SEMA3A: variants seen among roughly 807,000 people sequenced by gnomAD.
The protein encoded by SEMA3A is semaphorin-3A.
Under a neutral mutation model 97.9 loss-of-function variants are expected in SEMA3A, and 29 were observed. The ratio of observed to expected loss-of-function variants is 0.30; its 90% CI spans 0.22 to 0.40. SEMA3A has a LOEUF of 0.40. Ranked by LOEUF, SEMA3A falls within the 10% of genes least tolerant of loss-of-function variation. The pLI is 1.00. For synonymous variants in SEMA3A, 321 were observed against 323.7 expected (o/e 0.99, Z 0.09); for missense variants, 763 against 951.3 (o/e 0.80, Z 2.60).
At position 84,472,816 on chromosome 7, in the gene SEMA3A, G is replaced by A. The variant is rs192642240; in HGVS notation, c.-246+19644C>T. Among the ~76,000 whole-genome samples the A allele has an allele frequency of 2.9e-3, 442 of 152,090 alleles. 3 individuals carry two copies. The highest frequency in any genetic ancestry group is 9.8e-3 in the African/African-American group (407 of 41,496). ...TAATCATATCAATAGCTTATGTTAAGGAAAAATAACATTCAAACAAAAGGA... is the reference window on the plus strand; with the variant it reads ...TAATCATATCAATAGCTTATGTTAAAGAAAAATAACATTCAAACAAAAGGA... On this transcript the variant is annotated intron_variant, in intron 1 of 3. Coordinates refer to the SEMA3A transcript ENST00000424555.
intron 3 of SEMA3A, among the ~76,000 whole-genome samples, chr7:84,288,713 C>CAAAACA (rs1800658838): frequency 1.3e-5 from 2 of 152,000 alleles, no homozygotes; most frequent in African/African-American, 4.8e-5. Context: ...CAAAACAAAA[C>CAAAACA]AAAACAAAAA....
chr7:84,029,025 C>T (rs1299124434), intron 6 of SEMA3A, among the ~76,000 whole-genome samples: 6 of 152,144 alleles, frequency 3.9e-5, no homozygotes, highest in Non-Finnish European at 5.9e-5. Context: ...AACTTTTCTA[C>T]CATGGTGAAT....
chr7:84,412,644 T>C (rs1267477617), intron 1 of SEMA3A, among the ~76,000 whole-genome samples: 2 of 152,184 alleles, frequency 1.3e-5, no homozygotes, highest in African/African-American at 4.8e-5. Flanking sequence ...GAGCAATCTT[T>C]GTAGTTGAGC....
chr7:83,961,427 T>C lies in SEMA3A; in HGVS notation c.2260A>G (p.Lys754Glu), dbSNP rs1788464492. 2 of 1,614,028 alleles carry C rather than the reference T, an allele frequency of 1.2e-6. No individual in the cohort carries two copies. Among genetic ancestry groups the C allele is most frequent in the Non-Finnish European group, 1.7e-6 (2 of 1,179,988 alleles). The change falls in exon 17 of 17, where the codon AAG becomes GAG. Residue 754 changes from lysine (K) to glutamate (E), a missense_variant. This residue lies in a region of SEMA3A where 678 missense variants were observed against 881.3 expected (regional missense o/e 0.77). Coordinates refer to ENST00000265362, the MANE Select transcript of SEMA3A (RefSeq NM_006080.3). Reference protein sequence around the residue: ...SNKWKHLQENKKGRNRRTHEF... With the variant: ...SNKWKHLQENEKGRNRRTHEF... ...TGGGTCCTCCTGTTTCTACCTTTCTTATTTTCTTGTAAGTGCTTCCATTTG... is the reference window on the plus strand; with the variant it reads ...TGGGTCCTCCTGTTTCTACCTTTCTCATTTTCTTGTAAGTGCTTCCATTTG...
At chr7:84,219,403 C>T (rs1378918384) in intron 3 of SEMA3A, among the ~76,000 whole-genome samples, 3 of 152,046 alleles carry the variant, frequency 2.0e-5, no homozygotes, top group African/African-American at 7.2e-5. Flanking sequence ...ACTAAGTACA[C>T]ACAAAAATAG....
intron 1 of SEMA3A, among the ~76,000 whole-genome samples, chr7:84,193,765 T>C (rs1334035173): frequency 6.6e-6 from 1 of 152,160 alleles, no homozygotes; most frequent in Non-Finnish European, 1.5e-5. Context: ...CTTTAATTTA[T>C]ACTTTTCAAA....
At chr7:84,200,158 GAA>G (rs200427946), upstream of SEMA3A, among the ~76,000 whole-genome samples, 3 of 143,612 alleles carry the variant, frequency 2.1e-5, no homozygotes, top group Non-Finnish European at 4.6e-5. Flanking sequence ...ACAGTTGGGG[GAA>G]AAAAAAAAAG....
chr7:83,995,081 A>C (rs1013289962), intron 12 of SEMA3A, among the ~76,000 whole-genome samples: 4 of 152,234 alleles, frequency 2.6e-5, no homozygotes, highest in Non-Finnish European at 5.9e-5. Flanking sequence ...CCGATTTTCC[A>C]GGTGCCATCC....
intron 2 of SEMA3A, among the ~76,000 whole-genome samples, chr7:84,326,649 G>A (rs1562904791): frequency 6.6e-6 from 1 of 151,888 alleles, no homozygotes; most frequent in Non-Finnish European, 1.5e-5. Flanking sequence ...TAGTCTAGAA[G>A]GCTGTTACAG....
chr7:84,341,202 A>C (rs911808865), intron 2 of SEMA3A, among the ~76,000 whole-genome samples: 2 of 152,204 alleles, frequency 1.3e-5, no homozygotes, highest in African/African-American at 4.8e-5. Flanking sequence ...TGGTATGCAC[A>C]TACTCTGTAC....
At chr7:84,269,528 C>T (rs550899276) in intron 3 of SEMA3A, among the ~76,000 whole-genome samples, 31 of 152,042 alleles carry the variant, frequency 2.0e-4, no homozygotes, top group Middle Eastern at 3.4e-3. Context: ...ATTTAAATCA[C>T]GAAAGGGTAG....
intron 4 of SEMA3A, among the ~76,000 whole-genome samples, chr7:84,071,386 T>C (rs2115754014): frequency 6.6e-6 from 1 of 152,146 alleles, no homozygotes; most frequent in Middle Eastern, 3.4e-3. Context: ...AAAAAGTCCA[T>C]GAGATCTAGA....
At chr7:84,122,296 C>T (rs946985581) in intron 3 of SEMA3A, among the ~76,000 whole-genome samples, 8 of 152,068 alleles carry the variant, frequency 5.3e-5, no homozygotes, top group Non-Finnish European at 1.0e-4. Flanking sequence ...CAAAAGAAGA[C>T]GTTTATGTAG....
chr7:84,125,748 A>G (rs1317690827), intron 3 of SEMA3A, among the ~76,000 whole-genome samples: 1 of 152,200 alleles, frequency 6.6e-6, no homozygotes, highest in Non-Finnish European at 1.5e-5. Flanking sequence ...AAGTTCCCAT[A>G]AAAGATGTGG....
At chr7:84,410,709 G>C (rs2116248566) in intron 1 of SEMA3A, among the ~76,000 whole-genome samples, 1 of 152,162 alleles carries the variant, frequency 6.6e-6, no homozygotes, top group African/African-American at 2.4e-5. Context: ...GAAAAATGCA[G>C]GTATTAGAGA....
At chr7:84,026,986 C>T (rs1211565358) in intron 6 of SEMA3A, among the ~76,000 whole-genome samples, 1 of 151,862 alleles carries the variant, frequency 6.6e-6, no homozygotes, top group Admixed American at 6.6e-5. Context: ...ACGTGTACCC[C>T]CAAACCTAAA....
chr7:84,466,321 T>C lies in SEMA3A; in HGVS notation c.-246+26139A>G, dbSNP rs551300047. 8.4e-4 allele frequency among the ~76,000 whole-genome samples: 127 copies of C among 151,922 alleles called. 1 individual carries two copies. Among genetic ancestry groups the C allele is most frequent in the Middle Eastern group, 3.4e-3 (1 of 294 alleles). On this transcript the variant is annotated intron_variant, in intron 1 of 3. Transcript: ENST00000424555. Reference sequence around the variant, plus strand: ...CTGAGTAGCTGGGATTACAGGCGCCTGCCACCACACCCGGCTAATTTTTGT... The same window carrying C: ...CTGAGTAGCTGGGATTACAGGCGCCCGCCACCACACCCGGCTAATTTTTGT...
At chr7:84,024,889 A>C (rs1237895874) in intron 6 of SEMA3A, among the ~76,000 whole-genome samples, 1 of 152,132 alleles carries the variant, frequency 6.6e-6, no homozygotes. Flanking sequence ...GGAGTTCGAG[A>C]CCAGCCTGGC....
chr7:84,081,594 T>TAAAA (rs5885397), intron 4 of SEMA3A, among the ~76,000 whole-genome samples: 11 of 114,010 alleles, frequency 9.6e-5, no homozygotes, highest in African/African-American at 3.0e-4. Flanking sequence ...CTCCGTCTCT[T>TAAAA]AAAAAAAAAA....
Sources: gnomAD v4.1 joint callset for allele counts (sites outside exome capture counted in the v4.1 genomes callset) on GRCh38, gnomAD v4.1.1 for gene constraint, gnomAD v4.1.1 regional missense constraint, MANE v1.5 for transcripts, NCBI Gene and HGNC (gene_info 2026-07-23, HGNC 2026-07-21) for gene names.